The following CALD1 variants were observed in gnomAD, a reference collection of about 807,000 sequenced individuals.
CALD1 encodes the protein caldesmon.
Under a neutral mutation model 99.9 loss-of-function variants are expected in CALD1, and 33 were observed. The observed-to-expected ratio is 0.33, with a 90% CI of 0.25 to 0.44. The LOEUF (loss-of-function observed/expected upper bound fraction) is 0.44, where lower values mean the gene tolerates loss of function less well. Ranked by LOEUF, CALD1 falls within the 20% of genes least tolerant of loss-of-function variation. The probability of loss-of-function intolerance (pLI) is 1.00; values close to 1 mark genes in which losing one functional copy is unlikely to be tolerated. For synonymous variants in CALD1, 310 were observed against 325.0 expected, an observed-to-expected ratio of 0.95 and a Z score of 0.50; for missense variants, 861 against 962.1, an observed-to-expected ratio of 0.89 and a Z score of 1.39.
At chr7:134,815,077 C>T (rs1414897656) in intron 1 of CALD1, among the ~76,000 whole-genome samples, 1 of 152,122 alleles carries the variant, frequency 6.6e-6, no homozygotes, top group Non-Finnish European at 1.5e-5. Flanking sequence ...ATGTCAGGAG[C>T]ATGGGCCAGC....
chr7:134,755,527 T>A (rs960765705), intron 1 of CALD1, among the ~76,000 whole-genome samples: 1 of 152,186 alleles, frequency 6.6e-6, no homozygotes, highest in South Asian at 2.1e-4. Flanking sequence ...GGGTGGCTTA[T>A]CTTTCTTCTT....
At chr7:134,841,793 A>G (rs928481337) in intron 1 of CALD1, among the ~76,000 whole-genome samples, 1 of 152,018 alleles carries the variant, frequency 6.6e-6, no homozygotes, top group Non-Finnish European at 1.5e-5. Flanking sequence ...CTACGAACAG[A>G]CATATGAGCC....
the CALD1 span, among the ~76,000 whole-genome samples, chr7:134,731,253 C>A: frequency 3.3e-5 from 5 of 152,182 alleles, no homozygotes; most frequent in African/African-American, 1.2e-4. Context: ...TATTCCAAAC[C>A]AGCCAACCAA....
At chr7:134,760,192 G>T (rs1373684820) in intron 1 of CALD1, among the ~76,000 whole-genome samples, 1 of 152,108 alleles carries the variant, frequency 6.6e-6, no homozygotes, top group African/African-American at 2.4e-5. Context: ...GATTACAGAG[G>T]GACTTATAGG....
intron 2 of CALD1, among the ~76,000 whole-genome samples, chr7:134,851,751 G>T (rs535849282): frequency 1.1e-4 from 17 of 152,202 alleles, no homozygotes; most frequent in Non-Finnish European, 1.6e-4. Context: ...TCTCCTATTG[G>T]CAAGTCTACC....
the CALD1 span, among the ~76,000 whole-genome samples, chr7:134,727,840 G>C: frequency 6.6e-6 from 1 of 152,174 alleles, no homozygotes; most frequent in Non-Finnish European, 1.5e-5. Context: ...TCTATTTTGG[G>C]TTGGTCTGTT....
intron 1 of CALD1, among the ~76,000 whole-genome samples, chr7:134,752,090 G>T (rs907098165): frequency 6.6e-6 from 1 of 152,220 alleles, no homozygotes; most frequent in African/African-American, 2.4e-5. Flanking sequence ...ACTGGGAGGA[G>T]ATTTCCAGGA....
At chr7:134,796,776 G>A (rs1035046027) in intron 1 of CALD1, among the ~76,000 whole-genome samples, 3 of 152,038 alleles carry the variant, frequency 2.0e-5, no homozygotes, top group African/African-American at 7.2e-5. Context: ...TTGTAGAGAA[G>A]GGGTCTCCCT....
At chr7:134,834,987 T>A (rs1026621301) in intron 1 of CALD1, among the ~76,000 whole-genome samples, 3 of 152,372 alleles carry the variant, frequency 2.0e-5, no homozygotes, top group Non-Finnish European at 4.4e-5. Context: ...ATCTGGGTGA[T>A]GATGAACAGA....
intron 3 of CALD1, among the ~76,000 whole-genome samples, chr7:134,927,551 CAAAAAAAAAAAAAAA>C (rs58182455): frequency 2.5e-5 from 1 of 40,382 alleles, no homozygotes; most frequent in Admixed American, 4.1e-4. Context: ...GACTGTGTCT[CAAAAAAAAAAAAAAA>C]AAAAAAAAAA....
chr7:134,905,092 G>A (rs994565745), intron 3 of CALD1, among the ~76,000 whole-genome samples: 15 of 152,042 alleles, frequency 9.9e-5, no homozygotes, highest in East Asian at 5.8e-4. Context: ...TGTATTCTGC[G>A]TTTCTCAGCC....
chr7:134,913,709 A>G (rs1803992932), intron 3 of CALD1, among the ~76,000 whole-genome samples: 1 of 152,234 alleles, frequency 6.6e-6, no homozygotes, highest in South Asian at 2.1e-4. Context: ...CAGATAGTAT[A>G]TATTTTCAAA....
chr7:134,844,739 A>G (rs1341896044), intron 2 of CALD1, among the ~76,000 whole-genome samples: 1 of 152,010 alleles, frequency 6.6e-6, no homozygotes, highest in Non-Finnish European at 1.5e-5. Context: ...GGCATGGTGG[A>G]TTTCTCGAGG....
chr7:134,744,062 G>T (rs574644801), upstream of CALD1, among the ~76,000 whole-genome samples: 12 of 152,188 alleles, frequency 7.9e-5, no homozygotes, highest in Non-Finnish European at 1.3e-4. Context: ...TTTTCCTGCA[G>T]CAGCCATGGT....
chr7:134,961,515 T>C (rs1808262426), intron 13 of CALD1: 1 of 152,232 alleles, frequency 6.6e-6, no homozygotes, highest in Non-Finnish European at 1.5e-5. Flanking sequence ...ATTGCATTTG[T>C]TGGCTCCATA....
intron 3 of CALD1, among the ~76,000 whole-genome samples, chr7:134,891,960 T>C (rs922230887): frequency 4.6e-5 from 7 of 152,158 alleles, no homozygotes; most frequent in African/African-American, 1.7e-4. Context: ...CACGGGTTTC[T>C]CCGTTTCAAA....
intron 3 of CALD1, among the ~76,000 whole-genome samples, chr7:134,927,187 C>A (rs565236539): frequency 6.6e-6 from 1 of 152,078 alleles, no homozygotes; most frequent in Non-Finnish European, 1.5e-5. Context: ...ATAGCTATTT[C>A]CTCTTGAGTT....
chr7:134,922,566 C>T (rs1183018703), intron 3 of CALD1, among the ~76,000 whole-genome samples: 1 of 152,138 alleles, frequency 6.6e-6, no homozygotes, highest in African/African-American at 2.4e-5. Context: ...GCCAGTGTTG[C>T]AGAAGTTTTG....
chr7:134,726,413 TTA>T, the CALD1 span, among the ~76,000 whole-genome samples: 67,154 of 132,698 alleles, frequency 0.51, 19,064 homozygotes, highest in East Asian at 0.83. Flanking sequence ...TTATATAGCT[TTA>T]TATATATAAT....
Sources: allele counts gnomAD v4.1 joint callset (sites outside exome capture counted in the v4.1 genomes callset), GRCh38; gene constraint gnomAD v4.1.1; transcripts MANE v1.5; gene names NCBI Gene and HGNC (gene_info 2026-07-23, HGNC 2026-07-21).